Variants in MCRS1 observed in about 807,000 individuals in gnomAD.
MCRS1 encodes the protein 58 kDa microspherule protein.
In MCRS1, 22 loss-of-function variants were observed where a neutral mutation model predicts 62.9. That is an observed-to-expected ratio of 0.35 (90% CI 0.25 to 0.50). The LOEUF is 0.50. Ranked by LOEUF, MCRS1 falls within the 20% of genes least tolerant of loss-of-function variation. The pLI is 0.98. For missense variants in MCRS1, 456 were observed against 601.1 expected (o/e 0.76, Z 2.52); for synonymous variants, 244 against 233.5 (o/e 1.04, Z -0.41).
At position 49,559,505 on chromosome 12, in the gene MCRS1, GTC is replaced by G; in HGVS notation, c.1032_1033del (p.Gln344HisfsTer18). On this transcript the variant is annotated frameshift_variant, in exon 12 of 15. Coordinates refer to ENST00000343810, the MANE Select transcript of MCRS1 (RefSeq NM_006337.5). LOFTEE classifies it high-confidence loss of function. This position sits in a 1 kb window ranked among gnomAD's most constrained non-coding sequence, Gnocchi z 5.2. The stretch of plus-strand genomic sequence containing the variant: ...CATGCGGCCCCGCAGCACTGCCAGT[GTC>G]TGGTTGTCGAAGTCCGGAGAGCTCA... 6.2e-7 allele frequency: 1 copy of G among 1,612,300 alleles called. No individual in the cohort carries two copies. The highest frequency in any genetic ancestry group is 1.1e-5 in the South Asian group (1 of 91,092).
At chr12:49,565,758 T>G in intron 3 of MCRS1, 91 bp from the exon 4 acceptor site, 1 of 1,571,290 alleles carries the variant, frequency 6.4e-7, no homozygotes, top group African/African-American at 1.4e-5. Context: ...AGGTGCCCAG[T>G]AGGGTGCTAT....
chr12:49,562,010 T>C (rs1321492400), intron 8 of MCRS1, among the ~76,000 whole-genome samples: 3 of 152,184 alleles, frequency 2.0e-5, no homozygotes, highest in Admixed American at 1.3e-4. Context: ...AATTCTGTGA[T>C]ATCTGAGTCT....
intron 3 of MCRS1, 101 bp downstream of exon 3, chr12:49,565,976 G>A (rs940761944): frequency 1.3e-6 from 2 of 1,483,926 alleles, no homozygotes; most frequent in Non-Finnish European, 1.8e-6. Flanking sequence ...GGCCCCAGAG[G>A]GGCTCAGGCA....
intron 1 of MCRS1, 47 bp from the exon 2 acceptor site, chr12:49,566,888 C>A: frequency 1.0e-6 from 1 of 989,432 alleles, no homozygotes; most frequent in Non-Finnish European, 1.5e-6. Flanking sequence ...TTCCAACTGG[C>A]CAGCCTCACT....
intron 3 of MCRS1, 135 bp downstream of exon 3, chr12:49,565,942 A>C (rs1939033760): frequency 7.6e-7 from 1 of 1,320,292 alleles, no homozygotes; most frequent in African/African-American, 1.5e-5. Flanking sequence ...GGACAGGAAA[A>C]GCACAAGGCT....
rs773249513 is a variant in MCRS1, at chr12:49,559,515, C to T, written c.1024G>A (p.Asp342Asn). ...SITGMSSPDF[D>N]NQTLAVLRGR... Reference sequence around the variant, plus strand: ...CGCAGCACTGCCAGTGTCTGGTTGTCGAAGTCCGGAGAGCTCATGCCTGGG... The same window carrying T: ...CGCAGCACTGCCAGTGTCTGGTTGTTGAAGTCCGGAGAGCTCATGCCTGGG... The change falls in exon 12 of 15, where the codon GAC (aspartate) becomes AAC (asparagine). Residue 342 changes from aspartate to asparagine, a missense_variant. Around this residue, in one of 3 missense-constraint regions of MCRS1, gnomAD observed 393 missense variants for 523.5 expected, o/e 0.75. Transcript: ENST00000343810. The surrounding 1 kb of genome is among the most constrained non-coding windows in gnomAD (Gnocchi z 5.2). 8 of 1,611,312 alleles carry T rather than the reference C, an allele frequency of 5.0e-6. No individual in the cohort carries two copies. Among genetic ancestry groups the T allele is most frequent in the African/African-American group, 2.7e-5 (2 of 74,924 alleles).
Position 49,559,509 on chromosome 12 carries a change from G to T in MCRS1, c.1030C>A (p.Gln344Lys). Residue 344 changes from glutamine to lysine, a missense_variant, in exon 12 of 15, where the codon CAG becomes AAG. By Grantham distance (53) the Gln-to-Lys change is moderately conservative. This residue lies in a region of MCRS1 where 393 missense variants were observed against 523.5 expected (regional missense o/e 0.75). Coordinates refer to ENST00000343810, the MANE Select transcript of MCRS1 (RefSeq NM_006337.5). This position sits in a 1 kb window ranked among gnomAD's most constrained non-coding sequence, Gnocchi z 5.2. ...CGGCCCCGCAGCACTGCCAGTGTCT[G>T]GTTGTCGAAGTCCGGAGAGCTCATG... ...TGMSSPDFDNQTLAVLRGRMV... is the reference protein window; with the variant it reads ...TGMSSPDFDNKTLAVLRGRMV... 6.2e-7 allele frequency: 1 copy of T among 1,611,972 alleles called. No individual in the cohort carries two copies.
chr12:49,558,868 C>G lies in MCRS1; in HGVS notation c.1277G>C (p.Arg426Pro), dbSNP rs146225717. Residue 426 changes from arginine to proline, a missense_variant, in exon 14 of 15, where the codon CGC (arginine) becomes CCC (proline). Physicochemically the swap from Arg to Pro is moderately radical, Grantham distance 103. Coordinates refer to ENST00000343810, the MANE Select transcript of MCRS1 (RefSeq NM_006337.5). The stretch of plus-strand genomic sequence containing the variant: ...CTCCACCACAGAGTTGTTGCTGAGG[C>G]GCCATTTGGAGCCACAGAGCACCGG... ...GRPVLCGSKW[R>P]LSNNSVVEIA... 3 of 1,613,124 alleles carry G rather than the reference C, an allele frequency of 1.9e-6. No individual in the cohort carries two copies. The highest frequency in any genetic ancestry group is 2.2e-5 in the South Asian group (2 of 91,086).
chr12:49,560,073 G>T, intron 9 of MCRS1, 106 bp from the exon 10 acceptor site: 1 of 1,460,244 alleles, frequency 6.8e-7, no homozygotes, highest in Non-Finnish European at 9.6e-7. Context: ...CCTGGAAGGT[G>T]GTACATCAGG....
intron 8 of MCRS1, among the ~76,000 whole-genome samples, chr12:49,561,559 T>A (rs778279749): frequency 6.6e-6 from 1 of 152,248 alleles, no homozygotes; most frequent in Non-Finnish European, 1.5e-5. Context: ...ACAAAAACTC[T>A]TGAAGGAATA....
chr12:49,567,933 C>T (rs1188837881), intron 1 of MCRS1, 115 bp downstream of exon 1: 1 of 152,250 alleles, frequency 6.6e-6, no homozygotes, highest in Non-Finnish European at 1.5e-5. Context: ...TTTCGGGGCG[C>T]CACTGGGGCG....
intron 1 of MCRS1, chr12:49,567,717 G>A (rs1157384369): frequency 6.6e-6 from 1 of 152,238 alleles, no homozygotes; most frequent in Non-Finnish European, 1.5e-5. Context: ...TCTGTCTCAA[G>A]AACTCGGGGT....
At chr12:49,563,662 C>A (rs542419791) in intron 6 of MCRS1, 116 bp from the exon 7 acceptor site, 288 of 720,890 alleles carry the variant, frequency 4.0e-4, no homozygotes, top group Admixed American at 1.2e-3. Context: ...AGAGGCCAGG[C>A]CCTCATTAGG....
chr12:49,560,211 G>T (rs1938692115), intron 9 of MCRS1, 84 bp downstream of exon 9: 14 of 1,459,746 alleles, frequency 9.6e-6, no homozygotes, highest in South Asian at 2.3e-5. Context: ...GAGCCCAAGG[G>T]CTGGGGCTGG....
chr12:49,563,642 T>A, intron 6 of MCRS1, 96 bp from the exon 7 acceptor site: 1 of 888,072 alleles, frequency 1.1e-6, no homozygotes, highest in Non-Finnish European at 1.7e-6. Flanking sequence ...GCTTTTGAGA[T>A]CCAGAACCTA....
At chr12:49,565,794 G>A (rs1371556806) in intron 3 of MCRS1, 127 bp from the exon 4 acceptor site, 12 of 1,372,796 alleles carry the variant, frequency 8.7e-6, no homozygotes, top group Middle Eastern at 4.1e-4. Context: ...TTCACTTTAC[G>A]CCACAGCCTG....
rs754184928 is a variant in MCRS1, at chr12:49,559,824, G to A, written c.911-3C>T. 9 of 1,614,066 alleles carry A rather than the reference G, an allele frequency of 5.6e-6. No homozygotes were observed. The highest frequency in any genetic ancestry group is 1.7e-5 in the Admixed American group (1 of 60,006). ...GCGCCGGTCAGCCACCATCAGCTCT[G>A]GGGTGAGGTGGGGTGGTAAGGAGGG... On this transcript the variant is annotated splice_region_variant and splice_polypyrimidine_tract_variant and intron_variant, in intron 10 of 14. Transcript: ENST00000343810. This position sits in a 1 kb window ranked among gnomAD's most constrained non-coding sequence, Gnocchi z 5.2.
At chr12:49,567,761 A>T (rs963175724) in intron 1 of MCRS1, 1 of 152,296 alleles carries the variant, frequency 6.6e-6, no homozygotes, top group Non-Finnish European at 1.5e-5. Context: ...TGCAACTCAA[A>T]GCAGAGCACC....
rs770088947 is a variant in MCRS1 at position 49,558,936 on chromosome 12, G to A, written c.1209C>T (p.Phe403=). ...VIKLKNNGDF[F]IANEGRRPIY... ...TGGGCCGTCGACCCTCATTGGCAATGAAGAAATCACCGTTGTTCTTCAGCT... is the reference window on the plus strand; with the variant it reads ...TGGGCCGTCGACCCTCATTGGCAATAAAGAAATCACCGTTGTTCTTCAGCT... Residue 403 remains phenylalanine, a synonymous_variant, in exon 14 of 15, where the codon TTC becomes TTT. Transcript: ENST00000343810. 1 of 1,612,744 alleles carries A rather than the reference G, an allele frequency of 6.2e-7. No homozygotes were observed. Among genetic ancestry groups the A allele is most frequent in the South Asian group, 1.1e-5 (1 of 91,088 alleles).
Sources: gnomAD v4.1 joint callset for allele counts (sites outside exome capture counted in the v4.1 genomes callset) on GRCh38, gnomAD v4.1.1 for gene constraint, gnomAD v4.1.1 regional missense constraint, Gnocchi (gnomAD v3.1) non-coding constraint, MANE v1.5 for transcripts, NCBI Gene and HGNC (gene_info 2026-07-23, HGNC 2026-07-21) for gene names.